Variants in KAT6A observed in about 807,000 individuals in gnomAD.
KAT6A encodes lysine acetyltransferase 6A, also known as histone acetyltransferase KAT6A.
In KAT6A, 9 loss-of-function variants were observed where a neutral mutation model predicts 198.4. The observed-to-expected ratio is 0.05, with a 90% confidence interval of 0.03 to 0.08. KAT6A has a LOEUF of 0.08. Ranked by LOEUF, KAT6A falls within the 10% of genes least tolerant of loss-of-function variation. The pLI is 1.00. For synonymous variants in KAT6A, 890 were observed against 883.0 expected (o/e 1.01, Z -0.14); for missense variants, 2,077 against 2,509.9 (o/e 0.83, Z 3.69).
intron 8 of KAT6A, among the ~76,000 whole-genome samples, chr8:41,963,432 A>C (rs1407945228): frequency 1.3e-5 from 2 of 152,204 alleles, no homozygotes; most frequent in Non-Finnish European, 2.9e-5. Flanking sequence ...CATCTACTCC[A>C]AATAGAACAC....
At chr8:41,965,718 G>A (rs988502837) in intron 8 of KAT6A, among the ~76,000 whole-genome samples, 1 of 152,142 alleles carries the variant, frequency 6.6e-6, no homozygotes, top group African/African-American at 2.4e-5. Flanking sequence ...ACATCTGTTG[G>A]GCAATGGTAA....
chr8:42,030,691 A>G (rs1022829025), intron 2 of KAT6A, among the ~76,000 whole-genome samples: 1 of 151,866 alleles, frequency 6.6e-6, no homozygotes, highest in Non-Finnish European at 1.5e-5. Context: ...CAGCTTCTCA[A>G]GGAGCTGGGA....
rs1821553453 is a variant in KAT6A, at chr8:41,931,708, C to T, written c.*497G>A. The T allele has an allele frequency of 1.0e-5, 2 of 191,952 alleles. No individual in the cohort carries two copies. Among genetic ancestry groups the T allele is most frequent in the Non-Finnish European group, 2.2e-5 (2 of 91,634 alleles). The allele number at this position is 191,952 out of a possible 1,614,324, so 11.9% of individuals were successfully genotyped here. A position where few individuals can be genotyped will look rare whatever the true frequency, so the allele number is the denominator to read the frequency against. On this transcript the variant is annotated 3_prime_UTR_variant, in exon 17 of 17. Transcript: ENST00000265713. ...GTTCTCCATGTCCCCATCCGAGTCTCCCCTAAGTGCCTCCTGCTGGAATGA... is the reference window on the plus strand; with the variant it reads ...GTTCTCCATGTCCCCATCCGAGTCTTCCCTAAGTGCCTCCTGCTGGAATGA...
chr8:41,955,167 G>A, intron 9 of KAT6A, 129 bp downstream of exon 9: 1 of 639,630 alleles, frequency 1.6e-6, no homozygotes, highest in Non-Finnish European at 2.8e-6. Flanking sequence ...CTGCTATTAT[G>A]GACATTTAAA....
intron 2 of KAT6A, among the ~76,000 whole-genome samples, chr8:42,040,046 C>T (rs986311119): frequency 2.1e-4 from 32 of 151,626 alleles, no homozygotes; most frequent in Admixed American, 2.6e-4. Context: ...CGCGCCCTGC[C>T]GAAAATTTGT....
intron 2 of KAT6A, among the ~76,000 whole-genome samples, chr8:42,041,501 C>T (rs1263862785): frequency 6.6e-6 from 1 of 152,092 alleles, no homozygotes; most frequent in Non-Finnish European, 1.5e-5. Context: ...CTTTGGGAGG[C>T]GGAGGTGGGC....
chr8:42,025,355 G>T (rs1408929640), intron 2 of KAT6A, among the ~76,000 whole-genome samples: 3 of 137,184 alleles, frequency 2.2e-5, no homozygotes, highest in African/African-American at 9.1e-5. Context: ...GGGATTACAG[G>T]TGCCCACCAC....
rs1027977196 is a variant in KAT6A, at chr8:42,033,511, C to T, written c.600+14867G>A. Among the ~76,000 whole-genome samples the T allele has an allele frequency of 2.6e-5, 4 of 152,142 alleles. No homozygotes were observed. The East Asian group carries it at 7.7e-4, about 29-fold the overall frequency. Reference sequence around the variant, plus strand: ...CAATTAAACAGTTACTATGTGCATACAATGTTTTGCTTCTAGGCCTTTGTA... The same window carrying T: ...CAATTAAACAGTTACTATGTGCATATAATGTTTTGCTTCTAGGCCTTTGTA... On this transcript the variant is annotated intron_variant, in intron 2 of 16. Coordinates refer to ENST00000265713, the MANE Select transcript of KAT6A (RefSeq NM_006766.5).
intron 2 of KAT6A, among the ~76,000 whole-genome samples, chr8:42,001,010 G>T (rs1370453980): frequency 6.6e-6 from 1 of 152,144 alleles, no homozygotes; most frequent in African/African-American, 2.4e-5. Flanking sequence ...GGGAGGGAGA[G>T]GAAGGAGGGA....
At chr8:41,987,396 A>G in intron 3 of KAT6A, 59 bp downstream of exon 3, 1 of 981,582 alleles carries the variant, frequency 1.0e-6, no homozygotes. Flanking sequence ...TCAAGTCAAC[A>G]TACTTTCCGC....
intron 2 of KAT6A, among the ~76,000 whole-genome samples, chr8:42,032,177 AC>A (rs1827164289): frequency 6.6e-6 from 1 of 152,060 alleles, no homozygotes; most frequent in Admixed American, 6.6e-5. Context: ...ATTTTCATGA[AC>A]TGTAGTCTTG....
chr8:41,972,711 C>T (rs1410190626), intron 8 of KAT6A, among the ~76,000 whole-genome samples: 2 of 152,158 alleles, frequency 1.3e-5, no homozygotes, highest in African/African-American at 2.4e-5. Context: ...GATAATAGTA[C>T]TTAATTTGTG....
In KAT6A at chr8:41,933,963, C is replaced by T. The variant is rs1475919082; in HGVS notation, c.4257G>A (p.Glu1419=). ...CTGCCTGTACAGTTTCCAGATCCAG[C>T]TCACTATGAGGAATCTCTTCCTCCT... The part of the protein sequence containing the change: ...LKEEEEIPHS[E]LDLETVQAVQ... The change falls in exon 17 of 17, where the codon GAG becomes GAA. Residue 1419 remains glutamate, a synonymous_variant. Transcript: ENST00000265713. This position sits in a 1 kb window ranked among gnomAD's most constrained non-coding sequence, Gnocchi z 6.2. The T allele has an allele frequency of 6.2e-7, 1 of 1,614,050 alleles. No homozygotes were observed. The highest frequency in any genetic ancestry group is 8.5e-7 in the Non-Finnish European group (1 of 1,180,024).
At chr8:42,034,459 T>C (rs1827274733) in intron 2 of KAT6A, among the ~76,000 whole-genome samples, 1 of 152,218 alleles carries the variant, frequency 6.6e-6, no homozygotes, top group Non-Finnish European at 1.5e-5. Flanking sequence ...CGCACGGGAA[T>C]GGGTTACAAC....
intron 2 of KAT6A, 118 bp downstream of exon 2, chr8:42,048,260 G>A (rs1035145148): frequency 9.8e-7 from 1 of 1,017,114 alleles, no homozygotes. Context: ...AAAAACCAGA[G>A]GTGATCACTC....
rs900419512 is a variant in KAT6A at position 41,983,196 on chromosome 8, A to G, written c.710-1242T>C. On this transcript the variant is annotated intron_variant, in intron 3 of 16. Transcript: ENST00000265713. ...CTGAAAAGAGCTGTCCCTCTCCTCT[A>G]AAAGTTGGTCGTGCTTATTTTTCTT... 3.9e-5 allele frequency among the ~76,000 whole-genome samples: 6 copies of G among 152,182 alleles called. No homozygotes were observed. In the South Asian group the frequency reaches 1.2e-3, roughly 31 times the overall value.
intron 2 of KAT6A, among the ~76,000 whole-genome samples, chr8:41,990,047 T>TG (rs759242753): frequency 3.1e-4 from 47 of 150,850 alleles, no homozygotes; most frequent in Non-Finnish European, 5.2e-4. Context: ...AGTAAAAATC[T>TG]GGGGAAAAAA....
At chr8:41,987,328 C>T (rs1012911520) in intron 3 of KAT6A, 127 bp downstream of exon 3, 6 of 635,188 alleles carry the variant, frequency 9.4e-6, no homozygotes, top group Non-Finnish European at 1.7e-5. Flanking sequence ...CAGAACTTAT[C>T]CCCCATAATT....
chr8:41,936,487 G>A (rs1006261457), intron 16 of KAT6A, among the ~76,000 whole-genome samples: 1 of 152,128 alleles, frequency 6.6e-6, no homozygotes, highest in African/African-American at 2.4e-5. Context: ...GAGCCCATGC[G>A]AGATAAACAC....
Sources: allele counts gnomAD v4.1 joint callset (sites outside exome capture counted in the v4.1 genomes callset), GRCh38; gene constraint gnomAD v4.1.1; non-coding constraint Gnocchi (gnomAD v3.1); transcripts MANE v1.5; gene names NCBI Gene and HGNC (gene_info 2026-07-23, HGNC 2026-07-21).